FUBP3: variants seen among roughly 807,000 people sequenced by gnomAD.
The protein encoded by FUBP3 is far upstream element-binding protein 3.
FUBP3 carries 28 observed loss-of-function variants against 85.6 expected under a neutral mutation model. The ratio of observed to expected loss-of-function variants is 0.33; its 90% CI spans 0.24 to 0.45. The LOEUF (loss-of-function observed/expected upper bound fraction) is 0.45, where lower values mean the gene tolerates loss of function less well. Among genes scored for constraint, FUBP3 ranks in the 20% least tolerant of loss-of-function variants. FUBP3 has a pLI of 1.00. For missense variants in FUBP3, 583 were observed against 755.1 expected, an observed-to-expected ratio of 0.77 and a Z score of 2.67; for synonymous variants, 271 against 271.4, an observed-to-expected ratio of 1.00 and a Z score of 0.01.
intron 3 of FUBP3, among the ~76,000 whole-genome samples, chr9:130,611,438 C>T (rs1458920787): frequency 1.3e-5 from 2 of 152,062 alleles, no homozygotes; most frequent in Admixed American, 1.3e-4. Flanking sequence ...GAGAGAATCC[C>T]GTCTTGTTCA....
chr9:130,595,851 T>C (rs1205352713), intron 2 of FUBP3, among the ~76,000 whole-genome samples: 1 of 152,202 alleles, frequency 6.6e-6, no homozygotes, highest in Non-Finnish European at 1.5e-5. Context: ...ATTTGACCTA[T>C]TTGAGAATTT....
intron 1 of FUBP3, among the ~76,000 whole-genome samples, chr9:130,585,270 T>G (rs981923989): frequency 6.6e-6 from 1 of 152,230 alleles, no homozygotes; most frequent in Admixed American, 6.5e-5. Context: ...GTTTTTGACA[T>G]GAGGCATTCA....
At chr9:130,603,361 A>AAC (rs1588132535) in intron 2 of FUBP3, among the ~76,000 whole-genome samples, 1 of 135,196 alleles carries the variant, frequency 7.4e-6, no homozygotes, top group East Asian at 2.3e-4. Flanking sequence ...AAAAAAAAAA[A>AAC]AAAAAAACAA....
intron 2 of FUBP3, among the ~76,000 whole-genome samples, chr9:130,604,900 C>CAAAA (rs1267671003): frequency 1.4e-5 from 1 of 71,096 alleles, no homozygotes. Flanking sequence ...CTGTCTCAAA[C>CAAAA]AAAAAAAAAA....
At chr9:130,627,493 C>A (rs578155823) in intron 12 of FUBP3, among the ~76,000 whole-genome samples, 1 of 152,290 alleles carries the variant, frequency 6.6e-6, no homozygotes, top group East Asian at 1.9e-4. Context: ...CAGGTGGGAG[C>A]CCCCCGACAC....
At chr9:130,593,117 C>T (rs576414637) in intron 1 of FUBP3, among the ~76,000 whole-genome samples, 10 of 152,318 alleles carry the variant, frequency 6.6e-5, no homozygotes, top group African/African-American at 2.2e-4. Flanking sequence ...ATGTAGCCAG[C>T]TCCTCATCAT....
intron 12 of FUBP3, 119 bp downstream of exon 12, chr9:130,626,624 G>A (rs1012018015): frequency 2.4e-5 from 24 of 1,012,342 alleles, no homozygotes; most frequent in East Asian, 2.0e-4. Context: ...GGGGCTGCCC[G>A]GTCTGGAGGC....
At chr9:130,582,304 T>C (rs1049732836) in intron 1 of FUBP3, among the ~76,000 whole-genome samples, 6 of 151,876 alleles carry the variant, frequency 4.0e-5, no homozygotes, top group Non-Finnish European at 8.8e-5. Context: ...TTAAAAAAAT[T>C]AGCTGGATGT....
chr9:130,621,065 T>A (rs1480721694), intron 9 of FUBP3, among the ~76,000 whole-genome samples: 2 of 152,182 alleles, frequency 1.3e-5, no homozygotes, highest in Non-Finnish European at 2.9e-5. Flanking sequence ...ATGGTGGTGA[T>A]GGTTACACAA....
rs1187655674 is a variant in FUBP3, at chr9:130,579,913, AGGAGCCGGGG to A, written c.84+153_84+162del. ...GTTCCGTGGAGTTCCTACAGCCGGG[AGGAGCCGGGG>A]GGATAAGGCGCCACTGCGAGGCCCA... On this transcript the variant is annotated intron_variant, in intron 1 of 18. Transcript: ENST00000319725. The A allele has an allele frequency of 1.7e-5, 8 of 470,552 alleles. No individual in the cohort carries two copies. The South Asian group carries it at 4.7e-4, about 27-fold the overall frequency. The allele number at this position is 470,552 out of a possible 1,614,324, so 29.1% of individuals were successfully genotyped here.
chr9:130,611,468 T>A (rs2119070279), intron 3 of FUBP3, among the ~76,000 whole-genome samples: 1 of 152,228 alleles, frequency 6.6e-6, no homozygotes, highest in Non-Finnish European at 1.5e-5. Flanking sequence ...GGGTGTAAAC[T>A]CCCTCAAGGA....
rs757341408 is a variant in FUBP3 at position 130,616,460 on chromosome 9, C to G, written c.510C>G (p.Pro170=). 1.9e-6 allele frequency: 3 copies of G among 1,614,012 alleles called. No homozygotes were observed. The highest frequency in any genetic ancestry group is 2.5e-6 in the Non-Finnish European group (3 of 1,179,892). The change falls in exon 7 of 19, where the codon CCC becomes CCG. Residue 170 remains proline, a synonymous_variant. Transcript: ENST00000319725. This position sits in a 1 kb window ranked among gnomAD's most constrained non-coding sequence, Gnocchi z 4.7. ...GCACAATCCAGGAGATTCTCATTCC[C>G]GCATCTAAAGTGGGTCTGGTCATCG... The part of the protein sequence containing the change: ...SNSTIQEILI[P]ASKVGLVIGR...
At chr9:130,617,610 C>T (rs1265461459) in intron 7 of FUBP3, among the ~76,000 whole-genome samples, 187 bp from the exon 8 acceptor site, 2 of 152,260 alleles carry the variant, frequency 1.3e-5, no homozygotes, top group Non-Finnish European at 2.9e-5. Context: ...CGCATTTGGA[C>T]ATGGTCGTAC....
chr9:130,589,404 C>T lies in FUBP3; in HGVS notation c.85-6079C>T, dbSNP rs987309802. 7.6e-5 allele frequency among the ~76,000 whole-genome samples: 11 copies of T among 145,292 alleles called. No individual in the cohort carries two copies. The Admixed American group carries it at 7.7e-4, about 10-fold the overall frequency. ...TTGTCCCCAGGCTGGAGTGCAATGG[C>T]TCGATCTCGGCTCATTGCAAGCTCC... is the stretch of plus-strand genomic sequence containing the variant. On this transcript the variant is annotated intron_variant, in intron 1 of 18. Transcript: ENST00000319725.
chr9:130,632,825 C>G (rs569556785), intron 16 of FUBP3, among the ~76,000 whole-genome samples: 1 of 152,268 alleles, frequency 6.6e-6, no homozygotes, highest in Non-Finnish European at 1.5e-5. Context: ...AGCCGCCACC[C>G]TCTCTGTCCC....
chr9:130,631,727 C>T (rs1398206935), intron 14 of FUBP3, 97 bp downstream of exon 14: 3 of 1,042,396 alleles, frequency 2.9e-6, no homozygotes, highest in Non-Finnish European at 4.4e-6. Context: ...CAGCCAAGGC[C>T]TGAAGTTCTG....
At chr9:130,605,031 A>G (rs556687773) in intron 2 of FUBP3, among the ~76,000 whole-genome samples, 1 of 152,304 alleles carries the variant, frequency 6.6e-6, no homozygotes, top group Non-Finnish European at 1.5e-5. Flanking sequence ...CATTACCCTT[A>G]TTATATATGG....
At chr9:130,626,946 T>C (rs1244384755) in intron 12 of FUBP3, among the ~76,000 whole-genome samples, 1 of 152,246 alleles carries the variant, frequency 6.6e-6, no homozygotes, top group South Asian at 2.1e-4. Context: ...TATTTGGTCT[T>C]GATCCGCGTA....
At position 130,601,100 on chromosome 9, in the gene FUBP3, C is replaced by T. The variant is rs541923564; in HGVS notation, c.190+5512C>T. ...GCTGTGAGCCAATAAGATATTTCACCGAAACAGGCAGCTGGCCCTCAAGCT... is the reference window on the plus strand; with the variant it reads ...GCTGTGAGCCAATAAGATATTTCACTGAAACAGGCAGCTGGCCCTCAAGCT... On this transcript the variant is annotated intron_variant, in intron 2 of 18. Coordinates refer to ENST00000319725, the MANE Select transcript of FUBP3 (RefSeq NM_003934.2). Among the ~76,000 whole-genome samples the T allele has an allele frequency of 9.4e-4, 143 of 152,332 alleles. 1 individual carries two copies. The highest frequency in any genetic ancestry group is 1.7e-3 in the Non-Finnish European group (119 of 68,018).
Sources: gnomAD v4.1 joint callset for allele counts (sites outside exome capture counted in the v4.1 genomes callset) on GRCh38, gnomAD v4.1.1 for gene constraint, Gnocchi (gnomAD v3.1) non-coding constraint, MANE v1.5 for transcripts, NCBI Gene and HGNC (gene_info 2026-07-23, HGNC 2026-07-21) for gene names.